Variants in PMPCA observed in about 807,000 individuals in gnomAD.
PMPCA encodes mitochondrial-processing peptidase subunit alpha.
In PMPCA, 47 loss-of-function variants were observed where a neutral mutation model predicts 59.3. The observed-to-expected ratio is 0.79, with a 90% CI of 0.63 to 1.01. The LOEUF (loss-of-function observed/expected upper bound fraction) is 1.01. PMPCA is among the 50% of genes least tolerant of loss of function. PMPCA has a pLI of 0.00. For synonymous variants in PMPCA, 338 were observed against 290.3 expected, an observed-to-expected ratio of 1.16 and a Z score of -1.67; for missense variants, 726 against 704.5, an observed-to-expected ratio of 1.03 and a Z score of -0.34.
At chr9:136,422,181 T>C in intron 12 of PMPCA, 1 of 1,515,214 alleles carries the variant, frequency 6.6e-7, no homozygotes, top group Non-Finnish European at 8.9e-7. Flanking sequence ...GGCCCCACCA[T>C]GCACCTGCTG....
chr9:136,423,142 C>G lies in PMPCA; in HGVS notation c.1456C>G (p.Arg486Gly). 1 of 1,613,568 alleles carries G rather than the reference C, an allele frequency of 6.2e-7. No individual in the cohort carries two copies. Residue 486 changes from arginine to glycine, a missense_variant, in exon 13 of 13, where the codon CGA becomes GGA. By Grantham distance (125) the Arg-to-Gly change is moderately radical. Transcript: ENST00000371717. ...GAAGAGAGTCGCTTCTAAGATGCTC[C>G]GAGGGAAGCCGGCAGTGGCCGCCCT... ...DVKRVASKML[R>G]GKPAVAALGD...
intron 7 of PMPCA, 128 bp downstream of exon 7, chr9:136,417,342 A>G (rs970972581): frequency 1.4e-5 from 10 of 703,448 alleles, no homozygotes; most frequent in Admixed American, 9.1e-5. Flanking sequence ...GCCTTAACAC[A>G]TGCTGTAGTC....
chr9:136,422,250 A>G, intron 12 of PMPCA: 1 of 1,377,376 alleles, frequency 7.3e-7, no homozygotes, highest in Non-Finnish European at 9.5e-7. Flanking sequence ...ACTACTGCCC[A>G]GAGTTGTTAA....
chr9:136,410,967 C>G lies in PMPCA; in HGVS notation c.71+228C>G, dbSNP rs185782552. ...CCCCGGCTGCTGGGTCCTCTCCCCC[C>G]CTCACTTCCCGGGTCGACGGGCCTT... On this transcript the variant is annotated intron_variant, in intron 1 of 12. Coordinates refer to ENST00000371717, the MANE Select transcript of PMPCA (RefSeq NM_015160.3). Among the ~76,000 whole-genome samples, 9 of 152,378 alleles carry G rather than the reference C, an allele frequency of 5.9e-5. No homozygotes were observed. The East Asian group carries it at 1.2e-3, about 20-fold the overall frequency.
At position 136,418,890 on chromosome 9, in the gene PMPCA, G is replaced by T; in HGVS notation, c.1172G>T (p.Cys391Phe). The T allele has an allele frequency of 6.2e-7, 1 of 1,613,728 alleles. No homozygotes were observed. The highest frequency in any genetic ancestry group is 8.5e-7 in the Non-Finnish European group (1 of 1,179,980). The change falls in exon 10 of 13, where the codon TGC (cysteine) becomes TTC (phenylalanine). Residue 391 changes from cysteine (C) to phenylalanine (F), a missense_variant. Transcript: ENST00000371717. ...HHSYEDTGLL[C>F]IHASADPRQV... Reference sequence around the variant, plus strand: ...AGCTACGAGGACACTGGCCTCCTTTGCATCCATGCCAGCGCCGACCCAAGA... The same window carrying T: ...AGCTACGAGGACACTGGCCTCCTTTTCATCCATGCCAGCGCCGACCCAAGA...
chr9:136,416,408 G>A lies in PMPCA; in HGVS notation c.633+17G>A, dbSNP rs142661443. On this transcript the variant is annotated intron_variant, in intron 6 of 12. Transcript: ENST00000371717. ...ATTCATGAAGTAAAATGTCAAACTC[G>A]AGAATGCCCCCGCATCTCGAACAGT... 5.3e-4 allele frequency: 829 copies of A among 1,560,010 alleles called. 5 individuals carry two copies. In the East Asian group the frequency reaches 0.015, roughly 28 times the overall value.
intron 8 of PMPCA, 36 bp from the exon 9 acceptor site, chr9:136,418,518 TG>T: frequency 7.7e-7 from 1 of 1,296,870 alleles, no homozygotes; most frequent in Non-Finnish European, 1.1e-6. Flanking sequence ...TGACGTGGCG[TG>T]GGTGGTTCAG....
At chr9:136,415,306 T>C (rs900427264) in intron 5 of PMPCA, among the ~76,000 whole-genome samples, 4 of 152,256 alleles carry the variant, frequency 2.6e-5, no homozygotes, top group Non-Finnish European at 5.9e-5. Context: ...AATGTGTATT[T>C]GAGACATCTG....
chr9:136,422,027 A>C (rs1835468461), intron 12 of PMPCA, 51 bp downstream of exon 12: 2 of 1,567,110 alleles, frequency 1.3e-6, no homozygotes. Context: ...GGCCAGGCTC[A>C]GAGGAGGCCG....
intron 11 of PMPCA, 141 bp from the exon 12 acceptor site, chr9:136,421,691 C>G (rs1383170283): frequency 2.8e-6 from 2 of 712,788 alleles, no homozygotes; most frequent in South Asian, 3.9e-5. Flanking sequence ...GGATTACAGG[C>G]GGGAGCCACT....
intron 7 of PMPCA, among the ~76,000 whole-genome samples, chr9:136,417,534 G>A (rs1835316077): frequency 6.6e-6 from 1 of 151,034 alleles, no homozygotes; most frequent in South Asian, 2.1e-4. Context: ...GTGCAGTGGT[G>A]CAATCTCGGC....
chr9:136,423,408 G>T lies in PMPCA; in HGVS notation c.*144G>T. 1.2e-6 allele frequency: 1 copy of T among 813,416 alleles called. No individual in the cohort carries two copies. The highest frequency in any genetic ancestry group is 1.8e-5 in the South Asian group (1 of 56,034). The allele number at this position is 813,416 out of a possible 1,614,324, so 50.4% of individuals were successfully genotyped here. ...TGTCGCCACAGCACCCACGCGGTTT[G>T]CATTCTTTTGGAACTCAATGTGCCG... On this transcript the variant is annotated 3_prime_UTR_variant, in exon 13 of 13. Coordinates refer to ENST00000371717, the MANE Select transcript of PMPCA (RefSeq NM_015160.3).
At chr9:136,418,473 C>A in intron 8 of PMPCA, 82 bp from the exon 9 acceptor site, 1 of 908,424 alleles carries the variant, frequency 1.1e-6, no homozygotes, top group Non-Finnish European at 1.8e-6. Flanking sequence ...ACTCAGCCAG[C>A]TCTGCCCTCC....
intron 5 of PMPCA, 53 bp downstream of exon 5, chr9:136,414,700 G>A (rs1291727631): frequency 9.4e-6 from 11 of 1,171,756 alleles, no homozygotes; most frequent in South Asian, 2.4e-5. Flanking sequence ...AGGGAAGACC[G>A]GAAAGGTTTG....
Position 136,423,109 on chromosome 9 carries a change from G to A in PMPCA, c.1423G>A (p.Glu475Lys), listed in dbSNP as rs774232409. The A allele has an allele frequency of 6.2e-6, 10 of 1,612,942 alleles. No homozygotes were observed. In the South Asian group the frequency reaches 8.8e-5, roughly 14 times the overall value. ...LCTLIRNVKP[E>K]DVKRVASKML... Reference sequence around the variant, plus strand: ...CTCTGCACTAGGCAACGTGAAGCCGGAAGATGTGAAGAGAGTCGCTTCTAA... The same window carrying A: ...CTCTGCACTAGGCAACGTGAAGCCGAAAGATGTGAAGAGAGTCGCTTCTAA... The change falls in exon 13 of 13, where the codon GAA becomes AAA. Residue 475 changes from glutamate (E) to lysine (K), a missense_variant. By Grantham distance (56) the Glu-to-Lys change is moderately conservative (BLOSUM62 1). Transcript: ENST00000371717.
intron 6 of PMPCA, chr9:136,416,620 T>G: frequency 1.6e-6 from 1 of 620,958 alleles, no homozygotes; most frequent in Non-Finnish European, 2.9e-6. Flanking sequence ...TAGCTGGGAT[T>G]ACAGGCGTGA....
chr9:136,421,806 C>T (rs765980487), intron 11 of PMPCA, 26 bp from the exon 12 acceptor site: 24 of 1,563,448 alleles, frequency 1.5e-5, no homozygotes, highest in Non-Finnish European at 2.1e-5. Flanking sequence ...CGGGTGTGTG[C>T]TCACCTGACT....
At chr9:136,412,337 G>T (rs1835153225) in intron 2 of PMPCA, 138 bp downstream of exon 2, 1 of 803,054 alleles carries the variant, frequency 1.2e-6, no homozygotes, top group Non-Finnish European at 2.2e-6. Flanking sequence ...CATAAATGTT[G>T]AGCTACACAT....
chr9:136,414,933 C>A (rs575130186), intron 5 of PMPCA, among the ~76,000 whole-genome samples: 1 of 151,810 alleles, frequency 6.6e-6, no homozygotes, highest in South Asian at 2.1e-4. Context: ...AAAAAAGATA[C>A]AAGAATTAGC....
Sources: allele counts gnomAD v4.1 joint callset (sites outside exome capture counted in the v4.1 genomes callset), GRCh38; gene constraint gnomAD v4.1.1; transcripts MANE v1.5; gene names NCBI Gene and HGNC (gene_info 2026-07-23, HGNC 2026-07-21).